Variants in PDE4D observed in about 807,000 individuals in gnomAD.
The protein encoded by PDE4D is phosphodiesterase 4D.
In PDE4D, 24 loss-of-function variants were observed where a neutral mutation model predicts 87.4. That is an observed-to-expected ratio of 0.27 (90% CI 0.20 to 0.39). PDE4D has a LOEUF of 0.39. PDE4D is among the 10% of genes least tolerant of loss of function. The probability of loss-of-function intolerance (pLI) is 1.00; values close to 1 mark genes in which losing one functional copy is unlikely to be tolerated. For synonymous variants in PDE4D, 384 were observed against 383.2 expected, an observed-to-expected ratio of 1.00 and a Z score of -0.02; for missense variants, 714 against 1,041.0, an observed-to-expected ratio of 0.69 and a Z score of 4.32.
At chr5:59,031,152 A>G (rs1322075010) in intron 6 of PDE4D, among the ~76,000 whole-genome samples, 1 of 152,086 alleles carries the variant, frequency 6.6e-6, no homozygotes, top group Admixed American at 6.6e-5. Flanking sequence ...TAGAACCACC[A>G]TTATTGAAAA....
chr5:59,998,899 A>C (rs1490626894), intron 2 of PDE4D, among the ~76,000 whole-genome samples: 1 of 152,168 alleles, frequency 6.6e-6, no homozygotes, highest in Non-Finnish European at 1.5e-5. Context: ...CAATTATATA[A>C]GTGTTAGGAA....
At chr5:60,148,470 A>G (rs1350432929) in intron 2 of PDE4D, among the ~76,000 whole-genome samples, 1 of 152,242 alleles carries the variant, frequency 6.6e-6, no homozygotes, top group Non-Finnish European at 1.5e-5. Context: ...TTAACACTAT[A>G]CCATTTTATG....
intron 1 of PDE4D, among the ~76,000 whole-genome samples, chr5:59,533,272 C>T (rs920067620): frequency 1.3e-4 from 20 of 152,142 alleles, no homozygotes; most frequent in Admixed American, 1.2e-3. Context: ...TTATTGAAAA[C>T]ATTTGTCAAT....
At chr5:59,005,554 T>A (rs1215783068) in intron 6 of PDE4D, among the ~76,000 whole-genome samples, 1 of 152,168 alleles carries the variant, frequency 6.6e-6, no homozygotes, top group Non-Finnish European at 1.5e-5. Flanking sequence ...ATCTAGATAA[T>A]TTAGAAGAGA....
chr5:59,032,630 T>C lies in PDE4D; in HGVS notation c.921+6229A>G, dbSNP rs1055216014. ...ATTTGGACTGTAAATTCTTAAAGAA[T>C]AGAAAAGTCATGTTTTTCTTCTAAG... On this transcript the variant is annotated intron_variant, in intron 6 of 14. Coordinates refer to ENST00000340635, the MANE Select transcript of PDE4D (RefSeq NM_001104631.2). 7.2e-5 allele frequency among the ~76,000 whole-genome samples: 11 copies of C among 152,340 alleles called. No individual in the cohort carries two copies. In the South Asian group the frequency reaches 8.3e-4, roughly 11 times the overall value.
intron 1 of PDE4D, among the ~76,000 whole-genome samples, chr5:59,450,897 A>G (rs1278210148): frequency 6.6e-6 from 1 of 152,122 alleles, no homozygotes. Flanking sequence ...CCTCTTTACC[A>G]AATCTTTTCC....
rs1769369735 is a variant in PDE4D, at chr5:59,297,733, GAATGTTAT to G, written c.456-81773_456-81766del. ...TGAATGAATGAATGACACAGATCAT[GAATGTTAT>G]AATGAGAAAGCAGAGAAAAAAAATT... is the stretch of plus-strand genomic sequence containing the variant. On this transcript the variant is annotated intron_variant, in intron 1 of 14. Transcript: ENST00000340635. 3.3e-5 allele frequency among the ~76,000 whole-genome samples: 5 copies of G among 152,244 alleles called. No homozygotes were observed. The South Asian group carries it at 1.0e-3, about 32-fold the overall frequency.
At chr5:60,291,897 A>G (rs541459991) in intron 1 of PDE4D, among the ~76,000 whole-genome samples, 3 of 152,210 alleles carry the variant, frequency 2.0e-5, no homozygotes, top group Non-Finnish European at 2.9e-5. Context: ...TGTATGCAAT[A>G]TGGGAAAATG....
intron 1 of PDE4D, among the ~76,000 whole-genome samples, chr5:59,462,168 CT>C (rs1166772884): frequency 1.3e-4 from 20 of 152,104 alleles, no homozygotes; most frequent in African/African-American, 2.9e-4. Flanking sequence ...GAAGAAAACA[CT>C]TCTAAGAATA....
intron 1 of PDE4D, among the ~76,000 whole-genome samples, chr5:59,818,918 T>C (rs1397735717): frequency 6.9e-6 from 1 of 145,254 alleles, no homozygotes; most frequent in South Asian, 2.2e-4. Context: ...AGGAGAAAAA[T>C]TGAAAAGAAA....
chr5:59,799,017 A>C (rs185442644), intron 1 of PDE4D, among the ~76,000 whole-genome samples: 1 of 152,222 alleles, frequency 6.6e-6, no homozygotes, highest in Non-Finnish European at 1.5e-5. Flanking sequence ...AGCCAATTTT[A>C]TTTAGCCCTC....
chr5:59,327,445 C>A (rs1348960676), intron 1 of PDE4D, among the ~76,000 whole-genome samples: 1 of 152,028 alleles, frequency 6.6e-6, no homozygotes, highest in Non-Finnish European at 1.5e-5. Flanking sequence ...TGAACAAGTG[C>A]AAATGAGCTA....
chr5:60,074,117 A>G (rs1238838857), intron 2 of PDE4D, among the ~76,000 whole-genome samples: 1 of 151,944 alleles, frequency 6.6e-6, no homozygotes, highest in Non-Finnish European at 1.5e-5. Flanking sequence ...TTGTGATGTT[A>G]GGTTGTTTAT....
chr5:60,041,885 A>C (rs1295475992), intron 2 of PDE4D, among the ~76,000 whole-genome samples: 2 of 150,310 alleles, frequency 1.3e-5, no homozygotes, highest in Non-Finnish European at 2.9e-5. Context: ...CTGTTTGGGC[A>C]GACACCGAGC....
In PDE4D at chr5:60,417,680, AAAG is replaced by A. The variant is rs571070841; in HGVS notation, c.-90+70259_-90+70261del. Reference sequence around the variant, plus strand: ...TTGGGGGCTTAGAGCTTTAGAATATAAAGAAGAATTTTTTTTAGAAAGCAGTTA... The same window carrying A: ...TTGGGGGCTTAGAGCTTTAGAATATAAAGAATTTTTTTTAGAAAGCAGTTA... On this transcript the variant is annotated intron_variant, in intron 1 of 16. Coordinates refer to the PDE4D transcript ENST00000502484. 8.5e-5 allele frequency among the ~76,000 whole-genome samples: 13 copies of A among 152,294 alleles called. No homozygotes were observed. The South Asian group carries it at 2.5e-3, about 29-fold the overall frequency.
intron 2 of PDE4D, among the ~76,000 whole-genome samples, chr5:60,004,381 C>T (rs1764283801): frequency 6.6e-6 from 1 of 152,078 alleles, no homozygotes; most frequent in Non-Finnish European, 1.5e-5. Context: ...TGCATATAAC[C>T]TACATACATC....
intron 12 of PDE4D, 150 bp from the exon 13 acceptor site, chr5:58,976,622 CT>C: frequency 1.5e-6 from 1 of 654,716 alleles, no homozygotes; most frequent in Non-Finnish European, 2.6e-6. Context: ...GGGGCAGAGT[CT>C]TTTCCCCTTT....
chr5:59,673,173 T>A (rs1164367672), intron 1 of PDE4D, among the ~76,000 whole-genome samples: 2 of 152,198 alleles, frequency 1.3e-5, no homozygotes, highest in African/African-American at 4.8e-5. Context: ...ATCCTTTTTT[T>A]GATGGAACAG....
At chr5:59,891,077 A>G (rs976480501) in intron 1 of PDE4D, among the ~76,000 whole-genome samples, 1 of 152,222 alleles carries the variant, frequency 6.6e-6, no homozygotes, top group Non-Finnish European at 1.5e-5. Context: ...AAATAGAATG[A>G]CAATGATATA....
Sources: gnomAD v4.1 joint callset for allele counts (sites outside exome capture counted in the v4.1 genomes callset) on GRCh38, gnomAD v4.1.1 for gene constraint, MANE v1.5 for transcripts, NCBI Gene and HGNC (gene_info 2026-07-23, HGNC 2026-07-21) for gene names.